ATP6V1C2: variants seen among roughly 807,000 people sequenced by gnomAD.
ATP6V1C2 encodes ATPase H+ transporting V1 subunit C2.
In ATP6V1C2, 45 loss-of-function variants were observed where a neutral mutation model predicts 56.8. The observed-to-expected ratio is 0.79, with a 90% CI of 0.62 to 1.02. ATP6V1C2 has a LOEUF of 1.02. ATP6V1C2 is among the 50% of genes least tolerant of loss of function. The pLI is 0.00. For missense variants in ATP6V1C2, 463 were observed against 519.7 expected, an observed-to-expected ratio of 0.89 and a Z score of 1.06; for synonymous variants, 220 against 201.3, an observed-to-expected ratio of 1.09 and a Z score of -0.79.
At chr2:10,728,416 A>G (rs1661762824) in intron 3 of ATP6V1C2, among the ~76,000 whole-genome samples, 1 of 152,172 alleles carries the variant, frequency 6.6e-6, no homozygotes, top group South Asian at 2.1e-4. Flanking sequence ...GATAGCATAT[A>G]TTCTGCATCT....
intron 3 of ATP6V1C2, among the ~76,000 whole-genome samples, chr2:10,733,569 C>A (rs981588701): frequency 6.6e-6 from 1 of 151,340 alleles, no homozygotes; most frequent in South Asian, 2.1e-4. Flanking sequence ...TTCATACTGC[C>A]TTTGTTAATT....
rs550809230 is a variant in ATP6V1C2 at position 10,783,653 on chromosome 2, A to G, written c.*390A>G. Reference sequence around the variant, plus strand: ...GACAGCCCAAAGACAAATATTGGGCAGGAAATCAGTTCTCACTGAGCCCGG... The same window carrying G: ...GACAGCCCAAAGACAAATATTGGGCGGGAAATCAGTTCTCACTGAGCCCGG... On this transcript the variant is annotated 3_prime_UTR_variant, in exon 14 of 14. Coordinates refer to ENST00000272238, the MANE Select transcript of ATP6V1C2 (RefSeq NM_001039362.2). The G allele has an allele frequency of 6.0e-6, 1 of 167,314 alleles. No individual in the cohort carries two copies. The highest frequency in any genetic ancestry group is 1.8e-4 in the East Asian group (1 of 5,574). 10.4% of individuals were successfully genotyped at this position (167,314 alleles called of 1,614,324 possible). A position where few individuals can be genotyped will look rare whatever the true frequency, so the allele number is the denominator to read the frequency against.
intron 3 of ATP6V1C2, among the ~76,000 whole-genome samples, chr2:10,751,406 A>G (rs1366476906): frequency 6.6e-6 from 1 of 152,202 alleles, no homozygotes; most frequent in Non-Finnish European, 1.5e-5. Context: ...AAGGAGTATC[A>G]TCCCCATTTT....
At position 10,784,392 on chromosome 2, in the gene ATP6V1C2, A is replaced by AGGAAGAGCGAC. The variant is rs1665595719; in HGVS notation, c.*1129_*1130insGGAAGAGCGAC. On this transcript the variant is annotated 3_prime_UTR_variant, in exon 14 of 14. Coordinates refer to ENST00000272238, the MANE Select transcript of ATP6V1C2 (RefSeq NM_001039362.2). ...GGACACCCTGGAAGGTCAACATCTC[A>AGGAAGAGCGAC]TTTTATGGAAGAGCGACTCTCTGGA... is the stretch of plus-strand genomic sequence containing the variant. The AGGAAGAGCGAC allele has an allele frequency of 2.3e-6, 3 of 1,277,206 alleles. No homozygotes were observed. In the Admixed American group the frequency reaches 5.8e-5, roughly 25 times the overall value. The allele number at this position is 1,277,206 out of a possible 1,614,324, so 79.1% of individuals were successfully genotyped here.
intron 12 of ATP6V1C2, among the ~76,000 whole-genome samples, chr2:10,781,916 T>C (rs1339370456): frequency 6.6e-6 from 1 of 152,232 alleles, no homozygotes; most frequent in Non-Finnish European, 1.5e-5. Flanking sequence ...GAGCTGGGTT[T>C]TAGACAAACG....
At chr2:10,756,794 G>A (rs1663575288) in intron 4 of ATP6V1C2, among the ~76,000 whole-genome samples, 1 of 152,114 alleles carries the variant, frequency 6.6e-6, no homozygotes, top group South Asian at 2.1e-4. Flanking sequence ...GCCTAGGTGT[G>A]TAGTAGGCGA....
At chr2:10,724,206 C>T (rs919947069) in intron 2 of ATP6V1C2, among the ~76,000 whole-genome samples, 2 of 152,210 alleles carry the variant, frequency 1.3e-5, no homozygotes, top group Non-Finnish European at 2.9e-5. Flanking sequence ...AGCATCTGCT[C>T]TTGTAGAAAA....
intron 6 of ATP6V1C2, among the ~76,000 whole-genome samples, chr2:10,770,395 T>C (rs1487765472): frequency 2.0e-5 from 3 of 152,200 alleles, no homozygotes; most frequent in Admixed American, 2.0e-4. Flanking sequence ...TGAAACTCCA[T>C]CTCAAACAAA....
At position 10,746,435 on chromosome 2, in the gene ATP6V1C2, CAG is replaced by C. The variant is rs534795434; in HGVS notation, c.198-7543_198-7542del. 1.2e-3 allele frequency among the ~76,000 whole-genome samples: 185 copies of C among 148,354 alleles called. 2 individuals carry two copies. The South Asian group carries it at 0.016, about 13-fold the overall frequency. ...TTCTTCTTTTTTCTTTTTTTTGAGA[CAG>C]AGTCTCCCTCTGTCACCCATGCTGG... On this transcript the variant is annotated intron_variant, in intron 3 of 13. Coordinates refer to ENST00000272238, the MANE Select transcript of ATP6V1C2 (RefSeq NM_001039362.2).
intron 3 of ATP6V1C2, among the ~76,000 whole-genome samples, chr2:10,752,867 G>A (rs1663298642): frequency 6.6e-6 from 1 of 152,114 alleles, no homozygotes; most frequent in African/African-American, 2.4e-5. Flanking sequence ...GTCGTGGTGG[G>A]CCTCTGTAAT....
chr2:10,734,134 A>G (rs974697339), intron 3 of ATP6V1C2, among the ~76,000 whole-genome samples: 1 of 152,136 alleles, frequency 6.6e-6, no homozygotes, highest in Non-Finnish European at 1.5e-5. Flanking sequence ...TGTATGCCGC[A>G]TGCATGGTGG....
intron 10 of ATP6V1C2, 126 bp downstream of exon 10, chr2:10,775,197 G>A: frequency 4.0e-6 from 3 of 743,352 alleles, no homozygotes; most frequent in Non-Finnish European, 6.9e-6. Context: ...TCACACCATG[G>A]GGACCGTCTG....
intron 3 of ATP6V1C2, among the ~76,000 whole-genome samples, chr2:10,732,469 A>G (rs1662011042): frequency 6.6e-6 from 1 of 151,674 alleles, no homozygotes; most frequent in Non-Finnish European, 1.5e-5. Flanking sequence ...CATGTTGGCC[A>G]GGCTGGTCTC....
intron 4 of ATP6V1C2, among the ~76,000 whole-genome samples, chr2:10,757,945 C>G (rs1663652799): frequency 1.3e-5 from 2 of 152,172 alleles, no homozygotes; most frequent in South Asian, 4.1e-4. Context: ...TTAGAGGGAG[C>G]CATTTGCTTT....
At chr2:10,757,508 C>G (rs1261535491) in intron 4 of ATP6V1C2, 2 of 398,422 alleles carry the variant, frequency 5.0e-6, no homozygotes, top group East Asian at 7.1e-5. Flanking sequence ...GCCCGCATGT[C>G]CCGGGAAGGT....
At chr2:10,724,382 G>T (rs1661526128) in intron 2 of ATP6V1C2, among the ~76,000 whole-genome samples, 1 of 152,144 alleles carries the variant, frequency 6.6e-6, no homozygotes, top group Non-Finnish European at 1.5e-5. Context: ...CTGGGGACAG[G>T]CTGGGAGAGG....
chr2:10,776,124 C>T (rs1461429709), intron 10 of ATP6V1C2, among the ~76,000 whole-genome samples: 2 of 152,244 alleles, frequency 1.3e-5, no homozygotes, highest in East Asian at 1.9e-4. Context: ...AGCCCAGCCA[C>T]GGAGCCCCCG....
intron 8 of ATP6V1C2, among the ~76,000 whole-genome samples, chr2:10,773,755 C>T (rs977459588): frequency 2.6e-5 from 4 of 152,188 alleles, no homozygotes; most frequent in African/African-American, 7.2e-5. Context: ...TTAGAATGCG[C>T]GTCAGGCAGC....
At chr2:10,779,379 G>T (rs2148516257) in intron 12 of ATP6V1C2, among the ~76,000 whole-genome samples, 1 of 148,858 alleles carries the variant, frequency 6.7e-6, no homozygotes, top group Non-Finnish European at 1.5e-5. Context: ...CAAATGTTGG[G>T]ATTACAGGCG....
Sources: gnomAD v4.1 joint callset for allele counts (sites outside exome capture counted in the v4.1 genomes callset) on GRCh38, gnomAD v4.1.1 for gene constraint, MANE v1.5 for transcripts, NCBI Gene and HGNC (gene_info 2026-07-23, HGNC 2026-07-21) for gene names.